BEST3: variants seen among roughly 807,000 people sequenced by gnomAD.
BEST3 encodes the protein bestrophin-3.
Under a neutral mutation model 47.1 loss-of-function variants are expected in BEST3, and 50 were observed. The observed-to-expected ratio is 1.06, with a 90% confidence interval of 0.85 to 1.34. The LOEUF (loss-of-function observed/expected upper bound fraction) is 1.34, where lower values mean the gene tolerates loss of function less well. BEST3 is among the 40% of genes most tolerant of loss of function. BEST3 has a pLI of 0.00. For missense variants in BEST3, 765 were observed against 817.0 expected (o/e 0.94, Z 0.78); for synonymous variants, 282 against 298.8 (o/e 0.94, Z 0.58).
chr12:69,697,608 A>G, intron 2 of BEST3, 39 bp downstream of exon 2: 1 of 1,480,714 alleles, frequency 6.8e-7, no homozygotes. Context: ...CTTACACAAT[A>G]TCTGATGGCC....
intron 4 of BEST3, among the ~76,000 whole-genome samples, chr12:69,683,027 C>T (rs1484495057): frequency 6.6e-6 from 1 of 152,104 alleles, no homozygotes; most frequent in African/African-American, 2.4e-5. Flanking sequence ...AAAAAATGAT[C>T]TCATTTATAT....
chr12:69,678,667 C>G, intron 5 of BEST3, 72 bp downstream of exon 5: 1 of 1,445,846 alleles, frequency 6.9e-7, no homozygotes, highest in South Asian at 1.2e-5. Context: ...TCTTCCTGGT[C>G]TAACGTGTTA....
chr12:69,647,734 A>G (rs1883084889), intron 9 of BEST3, among the ~76,000 whole-genome samples: 1 of 152,162 alleles, frequency 6.6e-6, no homozygotes, highest in Non-Finnish European at 1.5e-5. Context: ...AAAAGCATAA[A>G]ACAAAAAAAT....
chr12:69,694,458 TA>T lies in BEST3; in HGVS notation c.158del (p.Leu53TyrfsTer26). 6.3e-7 allele frequency: 1 copy of T among 1,589,952 alleles called. No homozygotes were observed. The highest frequency in any genetic ancestry group is 8.6e-7 in the Non-Finnish European group (1 of 1,164,072). On this transcript the variant is annotated frameshift_variant, in exon 3 of 10. Transcript: ENST00000330891. LOFTEE classifies it high-confidence loss of function. ...YTAISLVYRL[L>X]LTGVQKRYFE... ...AGTAACGTTTTTGGACTCCTGTAAG[TA>T]ACAATCTGGAGCAAAAATAAAATGC...
At chr12:69,646,304 T>A (rs2135892675) in intron 9 of BEST3, among the ~76,000 whole-genome samples, 1 of 152,318 alleles carries the variant, frequency 6.6e-6, no homozygotes, top group Non-Finnish European at 1.5e-5. Context: ...AAGTCCAGAG[T>A]ATTCAAGTAA....
intron 2 of BEST3, among the ~76,000 whole-genome samples, chr12:69,695,197 G>A (rs557563794): frequency 5.9e-4 from 90 of 152,014 alleles, no homozygotes; most frequent in Non-Finnish European, 1.2e-3. Flanking sequence ...AATGTTTTAA[G>A]GCAAACTAAT....
intron 5 of BEST3, 80 bp from the exon 6 acceptor site, chr12:69,677,337 G>T: frequency 1.6e-6 from 2 of 1,266,306 alleles, no homozygotes; most frequent in Non-Finnish European, 1.1e-6. Context: ...CAGAATGTGA[G>T]CATGTCTTTT....
intron 9 of BEST3, 44 bp from the exon 10 acceptor site, chr12:69,655,857 G>T: frequency 6.5e-7 from 1 of 1,539,296 alleles, no homozygotes. Flanking sequence ...AGCTTCGGGG[G>T]CCTAGCTTTG....
intron 9 of BEST3, among the ~76,000 whole-genome samples, chr12:69,667,648 C>G (rs1489109186): frequency 1.3e-5 from 2 of 152,214 alleles, no homozygotes; most frequent in African/African-American, 4.8e-5. Context: ...AAGAGGCTTT[C>G]TTTGAGTCAC....
intron 2 of BEST3, among the ~76,000 whole-genome samples, chr12:69,694,736 A>G (rs1342949888): frequency 6.6e-6 from 1 of 152,206 alleles, no homozygotes; most frequent in Non-Finnish European, 1.5e-5. Context: ...AAAGTTTTAT[A>G]TGATTGATTC....
intron 9 of BEST3, chr12:69,670,722 T>C (rs1884515976): frequency 2.2e-6 from 1 of 451,116 alleles, no homozygotes; most frequent in African/African-American, 1.9e-5. Context: ...TGCCAAGAAT[T>C]ATAAGAAAAA....
intron 9 of BEST3, among the ~76,000 whole-genome samples, chr12:69,665,847 G>GT (rs1259725505): frequency 4.6e-5 from 7 of 151,888 alleles, no homozygotes; most frequent in Admixed American, 2.0e-4. Context: ...TTTTATTTTT[G>GT]TTTTTTTAAG....
intron 9 of BEST3, among the ~76,000 whole-genome samples, chr12:69,647,275 C>G (rs558937145): frequency 6.6e-6 from 1 of 152,314 alleles, no homozygotes; most frequent in Admixed American, 6.5e-5. Context: ...CCTTAAACAA[C>G]AGCTCCTTAA....
Position 69,677,005 on chromosome 12 carries a change from G to A in BEST3, c.778C>T (p.Pro260Ser). ...TCATGCCCTGCGTAGCCTTTGGTGG[G>A]ATCCAAAAACTGGCGTCCAATCAGG... The part of the protein sequence containing the change: ...ACLIGRQFLD[P>S]TKGYAGHDLD... Residue 260 changes from proline (P) to serine (S), a missense_variant, in exon 7 of 10, where the codon CCC (proline) becomes TCC (serine). Pro to Ser is a moderately conservative substitution (Grantham distance 74). Transcript: ENST00000330891. 6 of 1,614,094 alleles carry A rather than the reference G, an allele frequency of 3.7e-6. No individual in the cohort carries two copies. The highest frequency in any genetic ancestry group is 4.2e-6 in the Non-Finnish European group (5 of 1,179,980).
intron 4 of BEST3, among the ~76,000 whole-genome samples, chr12:69,687,904 T>C (rs184302893): frequency 6.6e-6 from 1 of 152,226 alleles, no homozygotes; most frequent in African/African-American, 2.4e-5. Flanking sequence ...TCCTTGAGTA[T>C]GGGGACCATA....
intron 7 of BEST3, among the ~76,000 whole-genome samples, chr12:69,676,300 C>T (rs1372594702): frequency 6.6e-6 from 1 of 151,950 alleles, no homozygotes; most frequent in African/African-American, 2.4e-5. Context: ...CGCCTGTAAT[C>T]CTCGGGAGGC....
intron 9 of BEST3, 65 bp from the exon 10 acceptor site, chr12:69,655,878 C>A: frequency 6.6e-7 from 1 of 1,512,978 alleles, no homozygotes; most frequent in Non-Finnish European, 8.8e-7. Flanking sequence ...GGGGCAGAGT[C>A]TCAAAGTTAA....
At chr12:69,698,248 G>T (rs1347972334) in intron 1 of BEST3, among the ~76,000 whole-genome samples, 1 of 152,122 alleles carries the variant, frequency 6.6e-6, no homozygotes, top group African/African-American at 2.4e-5. Context: ...CCAAAAAGTT[G>T]GGTCATAGTG....
intron 9 of BEST3, among the ~76,000 whole-genome samples, chr12:69,645,349 T>C (rs1205887524): frequency 6.6e-6 from 1 of 152,190 alleles, no homozygotes; most frequent in Non-Finnish European, 1.5e-5. Flanking sequence ...AAAATGGGCA[T>C]AGAGATACTT....
Sources: gnomAD v4.1 joint callset for allele counts (sites outside exome capture counted in the v4.1 genomes callset) on GRCh38, gnomAD v4.1.1 for gene constraint, MANE v1.5 for transcripts, NCBI Gene and HGNC (gene_info 2026-07-23, HGNC 2026-07-21) for gene names.